DST: variants seen among roughly 807,000 people sequenced by gnomAD.
The protein encoded by DST is bullous pemphigoid antigen.
Under a neutral mutation model 875.2 loss-of-function variants are expected in DST, and 253 were observed. The observed-to-expected ratio is 0.29, with a 90% CI of 0.26 to 0.32. The LOEUF is 0.32. DST is among the 10% of genes least tolerant of loss of function. DST has a pLI of 1.00. For synonymous variants in DST, 3,124 were observed against 3,197.1 expected, an observed-to-expected ratio of 0.98 and a Z score of 0.77; for missense variants, 8,287 against 9,111.6, an observed-to-expected ratio of 0.91 and a Z score of 3.68.
In DST at chr6:56,529,767, TC is replaced by T; in HGVS notation, c.17275del (p.Glu5759LysfsTer21). 6.4e-7 allele frequency: 1 copy of T among 1,561,280 alleles called. No homozygotes were observed. Among genetic ancestry groups the T allele is most frequent in the Non-Finnish European group, 8.6e-7 (1 of 1,157,442 alleles). On this transcript the variant is annotated frameshift_variant, in exon 66 of 104. Coordinates refer to ENST00000680361, the MANE Select transcript of DST (RefSeq NM_001374736.1). LOFTEE classifies it high-confidence loss of function. ...EEQIAQHKAL[E>X]DDIINHNKHL... ...TTTATTGTGATTGATGATGTCATCT[TC>T]TAAGGCCTAAGCAAAGTTTAAAAAA... is the stretch of plus-strand genomic sequence containing the variant.
chr6:56,648,628 C>A lies in DST; in HGVS notation c.1496G>T (p.Arg499Ile). ...NMVNYLIQWI[R>I]HHVTTMSERT... The stretch of plus-strand genomic sequence containing the variant: ...CTCAGACATTGTGGTCACATGGTGT[C>A]TAATCCATTGGATGAGGTAGTTCAC... Residue 499 changes from arginine to isoleucine, a missense_variant, in exon 13 of 104, where the codon AGA (arginine) becomes ATA (isoleucine). This residue lies in a region of DST where 1,160 missense variants were observed against 1,424.3 expected (regional missense o/e 0.81). Coordinates refer to ENST00000680361, the MANE Select transcript of DST (RefSeq NM_001374736.1). 6.3e-7 allele frequency: 1 copy of A among 1,590,998 alleles called. No homozygotes were observed. Among genetic ancestry groups the A allele is most frequent in the African/African-American group, 1.3e-5 (1 of 74,832 alleles).
At chr6:56,549,554 T>C (rs2097284987) in intron 61 of DST, among the ~76,000 whole-genome samples, 1 of 152,226 alleles carries the variant, frequency 6.6e-6, no homozygotes. Context: ...AACAATGAAA[T>C]GTTTGGCTCC....
At chr6:56,776,982 G>C (rs2099680430) in intron 4 of DST, among the ~76,000 whole-genome samples, 1 of 152,316 alleles carries the variant, frequency 6.6e-6, no homozygotes, top group African/African-American at 2.4e-5. Flanking sequence ...AACAATTATA[G>C]TAATGGAATC....
At chr6:56,487,058 G>C (rs1396454693) in intron 87 of DST, 46 bp downstream of exon 87, 1 of 1,586,998 alleles carries the variant, frequency 6.3e-7, no homozygotes. Context: ...CTGTGTATTT[G>C]AAAGAGGTCT....
intron 4 of DST, among the ~76,000 whole-genome samples, chr6:56,784,666 T>C (rs1191890527): frequency 6.6e-6 from 1 of 152,204 alleles, no homozygotes; most frequent in African/African-American, 2.4e-5. Context: ...TGCCTTTGGT[T>C]TGAATTTCCT....
intron 10 of DST, among the ~76,000 whole-genome samples, chr6:56,657,372 C>A (rs1411554597): frequency 6.6e-6 from 1 of 152,096 alleles, no homozygotes; most frequent in South Asian, 2.1e-4. Flanking sequence ...GTTTGCCCAA[C>A]TCTGGAGTAC....
At chr6:56,758,541 G>A (rs549398633) in intron 4 of DST, among the ~76,000 whole-genome samples, 68 of 152,262 alleles carry the variant, frequency 4.5e-4, no homozygotes, top group African/African-American at 1.5e-3. Context: ...AGGTACAAGG[G>A]GGGCAGGTTG....
intron 3 of DST, chr6:56,863,821 T>C: frequency 6.6e-6 from 1 of 152,356 alleles, no homozygotes; most frequent in Non-Finnish European, 1.5e-5. Context: ...TCCTTCACTC[T>C]CTTCCTCAAC....
intron 2 of DST, among the ~76,000 whole-genome samples, chr6:56,931,950 T>C (rs903032217): frequency 6.6e-6 from 1 of 152,124 alleles, no homozygotes; most frequent in African/African-American, 2.4e-5. Context: ...GAGTTAAGAC[T>C]TTGGGGGACT....
At position 56,934,480 on chromosome 6, in the gene DST, G is replaced by A. The variant is rs971107156; in HGVS notation, c.216+19305C>T. On this transcript the variant is annotated intron_variant, in intron 2 of 103. Coordinates refer to ENST00000680361, the MANE Select transcript of DST (RefSeq NM_001374736.1). ...CTGGAAATGCGTTAGCTCAAGAGGG[G>A]GACAGTTTACTAATTTGTCAATCAT... Among the ~76,000 whole-genome samples the A allele has an allele frequency of 2.7e-5, 4 of 147,796 alleles. No individual in the cohort carries two copies. In the Admixed American group the frequency reaches 2.7e-4, roughly 10 times the overall value.
intron 4 of DST, among the ~76,000 whole-genome samples, chr6:56,811,595 CTTAAAG>C (rs1343079635): frequency 1.3e-5 from 2 of 152,080 alleles, no homozygotes; most frequent in Non-Finnish European, 2.9e-5. Context: ...AAAAACAAAG[CTTAAAG>C]TTAACTACCA....
chr6:56,849,134 A>ATTTTTT (rs755617631), intron 4 of DST, among the ~76,000 whole-genome samples: 4 of 114,960 alleles, frequency 3.5e-5, no homozygotes, highest in African/African-American at 7.3e-5. Context: ...AATTCATGCA[A>ATTTTTT]TTTTTTTTTT....
chr6:56,704,524 A>C (rs2152882770), intron 5 of DST, among the ~76,000 whole-genome samples, 155 bp from the exon 6 acceptor site: 1 of 152,360 alleles, frequency 6.6e-6, no homozygotes, highest in South Asian at 2.1e-4. Context: ...CTTAAAAACT[A>C]AATTTAATTT....
Position 56,843,041 on chromosome 6 carries a change from CA to C in DST, c.625+8355del, listed in dbSNP as rs763772913. ...AGTGCCAAGCTCCGCAGCCCCAGGG[CA>C]GGGACCACATACCTTTGTACCTCTC... On this transcript the variant is annotated intron_variant, in intron 4 of 103. Transcript: ENST00000680361. The C allele has an allele frequency of 1.1e-5, 16 of 1,451,002 alleles. No homozygotes were observed. In the South Asian group the frequency reaches 1.4e-4, roughly 13 times the overall value. The allele number at this position is 1,451,002 out of a possible 1,614,324, so 89.9% of individuals were successfully genotyped here. A position where few individuals can be genotyped will look rare whatever the true frequency, so the allele number is the denominator to read the frequency against.
In DST at chr6:56,606,456, T is replaced by A. The variant is rs1166754925; in HGVS notation, c.8172A>T (p.Gly2724=). The A allele has an allele frequency of 1.9e-6, 3 of 1,613,342 alleles. No homozygotes were observed. The highest frequency in any genetic ancestry group is 2.5e-6 in the Non-Finnish European group (3 of 1,179,492). The change falls in exon 40 of 104, where the codon GGA becomes GGT. Residue 2724 remains glycine (G), a synonymous_variant. Coordinates refer to ENST00000680361, the MANE Select transcript of DST (RefSeq NM_001374736.1). The stretch of plus-strand genomic sequence containing the variant: ...GGATATTTGTGCATTCCCTTTCTGA[T>A]CCAGTTTCCAGTGACTGTCCATTCA... ...DKVNGQSLET[G]SERECTNILE... is the part of the protein sequence containing the mutation.
At chr6:56,636,356 ATGTG>A (rs1157340635) in intron 23 of DST, among the ~76,000 whole-genome samples, 197 bp downstream of exon 23, 1 of 149,154 alleles carries the variant, frequency 6.7e-6, no homozygotes, top group African/African-American at 2.5e-5. Context: ...GTGTATATAT[ATGTG>A]TGTGTATATA....
rs1458603742 is a variant in DST at position 56,608,754 on chromosome 6, T to G, written c.5874A>C (p.Arg1958Ser). 1 of 1,609,034 alleles carries G rather than the reference T, an allele frequency of 6.2e-7. No homozygotes were observed. The highest frequency in any genetic ancestry group is 1.7e-5 in the Admixed American group (1 of 59,154). The change falls in exon 40 of 104, where the codon AGA becomes AGC. Residue 1958 changes from arginine (R) to serine (S), a missense_variant. Physicochemically the swap from Arg to Ser is moderately radical, Grantham distance 110. Around this residue, in one of 10 missense-constraint regions of DST, gnomAD observed 3,138 missense variants for 3,116.6 expected, o/e 1.01. Transcript: ENST00000680361. ...TGTTTCTTCCACATTTTAATGTTAT[T>G]CTACCTCCTTCTTGTGGTCTCACAG... Reference protein sequence around the residue: ...LLPVRPQEGGRITLKCGRNIS... With the variant: ...LLPVRPQEGGSITLKCGRNIS...
intron 3 of DST, chr6:56,871,324 C>T (rs771275875): frequency 1.4e-5 from 13 of 914,722 alleles, no homozygotes; most frequent in African/African-American, 6.5e-5. Context: ...CGAAAAGCCA[C>T]GAAGTATCTG....
At chr6:56,774,156 C>T (rs1238297158) in intron 4 of DST, among the ~76,000 whole-genome samples, 1 of 151,422 alleles carries the variant, frequency 6.6e-6, no homozygotes, top group African/African-American at 2.4e-5. Flanking sequence ...ATCTTGATTC[C>T]CCTGCTCAAA....
Sources: allele counts gnomAD v4.1 joint callset (sites outside exome capture counted in the v4.1 genomes callset), GRCh38; gene constraint gnomAD v4.1.1; regional missense constraint gnomAD v4.1.1; transcripts MANE v1.5; gene names NCBI Gene and HGNC (gene_info 2026-07-23, HGNC 2026-07-21).